PTPRT: variants seen among roughly 807,000 people sequenced by gnomAD.
The protein encoded by PTPRT is protein tyrosine phosphatase receptor type T.
In PTPRT, 56 loss-of-function variants were observed where a neutral mutation model predicts 176.8. The ratio of observed to expected loss-of-function variants is 0.32; its 90% confidence interval spans 0.26 to 0.40. The LOEUF (loss-of-function observed/expected upper bound fraction) is 0.40. Among genes scored for constraint, PTPRT ranks in the 10% least tolerant of loss-of-function variants. The pLI, the probability that PTPRT is intolerant of heterozygous loss-of-function variation, is 1.00. For missense variants in PTPRT, 1,540 were observed against 1,908.2 expected, an observed-to-expected ratio of 0.81 and a Z score of 3.60; for synonymous variants, 783 against 739.0, an observed-to-expected ratio of 1.06 and a Z score of -0.96.
At chr20:42,110,635 C>G in intron 22 of PTPRT, 148 bp from the exon 23 acceptor site, 2 of 746,078 alleles carry the variant, frequency 2.7e-6, no homozygotes, top group Non-Finnish European at 4.0e-6. Context: ...CTGGATAGAG[C>G]GATTCTGTAA....
intron 1 of PTPRT, among the ~76,000 whole-genome samples, chr20:42,922,683 A>T (rs1464363623): frequency 2.0e-5 from 3 of 152,096 alleles, no homozygotes; most frequent in African/African-American, 4.8e-5. Context: ...TCCTACAGGA[A>T]TCTTGATTGT....
intron 1 of PTPRT, among the ~76,000 whole-genome samples, chr20:43,116,766 G>T (rs898422461): frequency 5.3e-5 from 8 of 152,000 alleles, no homozygotes; most frequent in Non-Finnish European, 1.0e-4. Context: ...ATATATTTTT[G>T]TTCATGTCTA....
intron 1 of PTPRT, among the ~76,000 whole-genome samples, chr20:42,990,421 AG>A (rs1424516196): frequency 2.0e-5 from 3 of 152,148 alleles, no homozygotes; most frequent in African/African-American, 7.2e-5. Flanking sequence ...CATGGGATTT[AG>A]GGTTGTTTTG....
At position 42,457,743 on chromosome 20, in the gene PTPRT, G is replaced by A. The variant is rs548967602; in HGVS notation, c.1451-9414C>T. Among the ~76,000 whole-genome samples, 5 of 152,294 alleles carry A rather than the reference G, an allele frequency of 3.3e-5. No individual in the cohort carries two copies. The South Asian group carries it at 8.3e-4, about 25-fold the overall frequency. On this transcript the variant is annotated intron_variant, in intron 8 of 30. Coordinates refer to ENST00000373187, the MANE Select transcript of PTPRT (RefSeq NM_007050.6). ...TAATTAGGCAGCAGGAAGATTCTCC[G>A]TGGCAAGAGGGCTTTTTAGGTGTTT...
intron 21 of PTPRT, chr20:42,116,053 C>T: frequency 1.4e-6 from 1 of 725,182 alleles, no homozygotes. Flanking sequence ...CCGGGGGACG[C>T]CGCACGGCCT....
chr20:43,091,949 G>T (rs1350518387), intron 1 of PTPRT, among the ~76,000 whole-genome samples: 2 of 152,186 alleles, frequency 1.3e-5, no homozygotes, highest in South Asian at 4.1e-4. Flanking sequence ...AACATAACAT[G>T]CCCTGAGTCT....
intron 20 of PTPRT, among the ~76,000 whole-genome samples, chr20:42,119,694 C>T (rs1004986152): frequency 1.3e-5 from 2 of 152,196 alleles, no homozygotes; most frequent in African/African-American, 4.8e-5. Flanking sequence ...AACTTGCCAC[C>T]ATTTTCCTTC....
chr20:43,118,137 C>T (rs1285098198), intron 1 of PTPRT, among the ~76,000 whole-genome samples: 3 of 152,172 alleles, frequency 2.0e-5, no homozygotes, highest in Admixed American at 6.5e-5. Flanking sequence ...GTGAAAGCAG[C>T]TACCAGCTGT....
At chr20:42,766,974 C>A (rs764721629) in intron 5 of PTPRT, among the ~76,000 whole-genome samples, 25 of 152,122 alleles carry the variant, frequency 1.6e-4, no homozygotes, top group Non-Finnish European at 3.2e-4. Flanking sequence ...GGCTAAGTCA[C>A]CCCAACCTTA....
At chr20:42,382,863 G>T (rs1303286961) in intron 9 of PTPRT, among the ~76,000 whole-genome samples, 1 of 152,096 alleles carries the variant, frequency 6.6e-6, no homozygotes, top group Non-Finnish European at 1.5e-5. Context: ...CTTGGTCTTG[G>T]CTTCCAGCTG....
chr20:42,951,618 T>G (rs567191125), intron 1 of PTPRT, among the ~76,000 whole-genome samples: 16 of 152,300 alleles, frequency 1.1e-4, no homozygotes, highest in Admixed American at 2.6e-4. Flanking sequence ...TTTAAAGTAG[T>G]AAATAGATTA....
chr20:42,089,443 C>G (rs568176336), intron 27 of PTPRT, among the ~76,000 whole-genome samples: 1 of 152,126 alleles, frequency 6.6e-6, no homozygotes, highest in South Asian at 2.1e-4. Flanking sequence ...CCTATTATCC[C>G]CAATATCTTC....
intron 6 of PTPRT, among the ~76,000 whole-genome samples, chr20:42,717,814 TA>T (rs1487607093): frequency 6.6e-6 from 1 of 151,926 alleles, no homozygotes; most frequent in Admixed American, 6.6e-5. Context: ...CAACTCAATA[TA>T]AAAAAACAAA....
chr20:42,353,014 C>G (rs937713678), intron 9 of PTPRT, among the ~76,000 whole-genome samples: 1 of 152,192 alleles, frequency 6.6e-6, no homozygotes, highest in Non-Finnish European at 1.5e-5. Flanking sequence ...TCATTTCAAT[C>G]TGTAGACAAC....
chr20:42,162,627 G>A (rs760503607), intron 16 of PTPRT, among the ~76,000 whole-genome samples: 2 of 152,224 alleles, frequency 1.3e-5, no homozygotes, highest in Admixed American at 6.5e-5. Context: ...TGGCATGCAA[G>A]AGATGAGAAC....
intron 7 of PTPRT, among the ~76,000 whole-genome samples, chr20:42,609,289 GT>G (rs746915976): frequency 1.4e-4 from 22 of 152,008 alleles, no homozygotes; most frequent in Admixed American, 2.0e-4. Context: ...GGCCAGGCTG[GT>G]CTCGAACTCC....
In PTPRT at chr20:42,828,993, C is replaced by T. The variant is rs143022040; in HGVS notation, c.215-37527G>A. On this transcript the variant is annotated intron_variant, in intron 2 of 30. Transcript: ENST00000373187. ...CCTCCAGACCCCAGAATGTTAGATCCACTGACAGCTTGCACCATGTGCCTG... is the reference window on the plus strand; with the variant it reads ...CCTCCAGACCCCAGAATGTTAGATCTACTGACAGCTTGCACCATGTGCCTG... Among the ~76,000 whole-genome samples the T allele has an allele frequency of 1.3e-3, 201 of 151,916 alleles. 1 individual carries two copies. The highest frequency in any genetic ancestry group is 3.4e-3 in the Middle Eastern group (1 of 294).
chr20:42,637,751 C>T (rs919359028), intron 7 of PTPRT, among the ~76,000 whole-genome samples: 1 of 152,070 alleles, frequency 6.6e-6, no homozygotes, highest in African/African-American at 2.4e-5. Flanking sequence ...ATCTGACACA[C>T]AGTAGGCATT....
At chr20:42,994,252 C>T (rs190257861) in intron 1 of PTPRT, among the ~76,000 whole-genome samples, 5 of 152,188 alleles carry the variant, frequency 3.3e-5, no homozygotes, top group Admixed American at 3.3e-4. Context: ...CAAGCCTTAC[C>T]ATAAACTCCA....
Sources: allele counts gnomAD v4.1 joint callset (sites outside exome capture counted in the v4.1 genomes callset), GRCh38; gene constraint gnomAD v4.1.1; transcripts MANE v1.5; gene names NCBI Gene and HGNC (gene_info 2026-07-23, HGNC 2026-07-21).